ADAM23: variants seen among roughly 807,000 people sequenced by gnomAD.
ADAM23 encodes disintegrin and metalloproteinase domain-containing protein 23.
Under a neutral mutation model 120.1 loss-of-function variants are expected in ADAM23, and 33 were observed. The observed-to-expected ratio is 0.27, with a 90% confidence interval of 0.21 to 0.37. ADAM23 has a LOEUF of 0.37. Among genes scored for constraint, ADAM23 ranks in the 10% least tolerant of loss-of-function variants. The probability of loss-of-function intolerance (pLI) is 1.00; values close to 1 mark genes in which losing one functional copy is unlikely to be tolerated. For missense variants in ADAM23, 862 were observed against 1,058.2 expected (o/e 0.81, Z 2.57); for synonymous variants, 367 against 375.2 (o/e 0.98, Z 0.25).
At chr2:206,606,882 A>G (rs1698738865) in intron 24 of ADAM23, 1 of 152,208 alleles carries the variant, frequency 6.6e-6, no homozygotes, top group African/African-American at 2.4e-5. Context: ...TGGCCCAGGA[A>G]TGAATTACTA....
intron 2 of ADAM23, 77 bp from the exon 3 acceptor site, chr2:206,481,155 A>G: frequency 8.7e-7 from 1 of 1,143,912 alleles, no homozygotes; most frequent in Middle Eastern, 2.0e-4. Flanking sequence ...TATTCGTCTT[A>G]AATATCATTC....
At position 206,477,897 on chromosome 2, in the gene ADAM23, A is replaced by AAATAT. The variant is rs374524658; in HGVS notation, c.433-3334_433-3333insATATA. Among the ~76,000 whole-genome samples, 376 of 93,560 alleles carry AAATAT rather than the reference A, an allele frequency of 4.0e-3. 7 individuals are homozygous for AAATAT. The highest frequency in any genetic ancestry group is 0.018 in the African/African-American group (352 of 19,384). 61.4% of individuals were successfully genotyped at this position (93,560 alleles called of 152,430 possible). On this transcript the variant is annotated intron_variant, in intron 2 of 25. Transcript: ENST00000264377. ...TATTCTGTTAAAAAAAAAAAAAAAAAATATATATATATATATATATATATA... is the reference window on the plus strand; with the variant it reads ...TATTCTGTTAAAAAAAAAAAAAAAAAAATATATATATATATATATATATATATATA...
intron 2 of ADAM23, among the ~76,000 whole-genome samples, chr2:206,455,863 G>C (rs1034645646): frequency 6.6e-6 from 1 of 152,116 alleles, no homozygotes; most frequent in Admixed American, 6.5e-5. Flanking sequence ...GGACTTTGCT[G>C]TCCATATCAC....
At chr2:206,473,423 G>A (rs1695702734) in intron 2 of ADAM23, among the ~76,000 whole-genome samples, 1 of 151,828 alleles carries the variant, frequency 6.6e-6, no homozygotes, top group African/African-American at 2.4e-5. Context: ...TGCTTATATT[G>A]TGTGTGGTAT....
At chr2:206,584,082 A>G (rs201694767) in intron 18 of ADAM23, among the ~76,000 whole-genome samples, 2 of 151,848 alleles carry the variant, frequency 1.3e-5, no homozygotes, top group Non-Finnish European at 2.9e-5. Context: ...CCCTTTTCCT[A>G]TGGGTATGGC....
chr2:206,500,192 A>T (rs985353922), intron 3 of ADAM23, among the ~76,000 whole-genome samples: 1 of 151,276 alleles, frequency 6.6e-6, no homozygotes, highest in African/African-American at 2.4e-5. Context: ...AGTGTAGATG[A>T]TCTCGTACTC....
Position 206,620,889 on chromosome 2 carries a change from C to A in ADAM23, c.*3262C>A, listed in dbSNP as rs1244312912. ...TTTTCAAAGACTAGTGTCTGAAGAA[C>A]TTTACAAACAATACTTGAACCCTTT... On this transcript the variant is annotated 3_prime_UTR_variant, in exon 26 of 26. Transcript: ENST00000264377. 1 of 152,202 alleles carries A rather than the reference C, an allele frequency of 6.6e-6. No individual in the cohort carries two copies. The highest frequency in any genetic ancestry group is 1.9e-4 in the East Asian group (1 of 5,198). 9.4% of individuals were successfully genotyped at this position (152,202 alleles called of 1,614,324 possible).
At chr2:206,544,432 G>T (rs1052905086) in intron 6 of ADAM23, among the ~76,000 whole-genome samples, 11 of 152,006 alleles carry the variant, frequency 7.2e-5, no homozygotes, top group African/African-American at 2.7e-4. Flanking sequence ...CTACAAGCTG[G>T]GTATTATTTT....
chr2:206,551,108 A>T lies in ADAM23; in HGVS notation c.933+948A>T, dbSNP rs1697516442. Among the ~76,000 whole-genome samples, 7 of 152,240 alleles carry T rather than the reference A, an allele frequency of 4.6e-5. No homozygotes were observed. In the South Asian group the frequency reaches 8.3e-4, roughly 18 times the overall value. ...TTATAAAATTACTTGCCTGAAGCCCAGAAGAGTCTTGGTCAGTAGGCTATA... is the reference window on the plus strand; with the variant it reads ...TTATAAAATTACTTGCCTGAAGCCCTGAAGAGTCTTGGTCAGTAGGCTATA... On this transcript the variant is annotated intron_variant, in intron 9 of 25. Coordinates refer to ENST00000264377, the MANE Select transcript of ADAM23 (RefSeq NM_003812.4).
At position 206,559,954 on chromosome 2, in the gene ADAM23, G is replaced by T; in HGVS notation, c.1006-1G>T. ...GCACCTGTCCTGTTGTATACCCTCA[G>T]ATTTACAAGGAGCAGCTCAACACCA... On this transcript the variant is annotated splice_acceptor_variant, in intron 10 of 25. Coordinates refer to ENST00000264377, the MANE Select transcript of ADAM23 (RefSeq NM_003812.4). LOFTEE classifies it high-confidence loss of function. 1 of 1,612,136 alleles carries T rather than the reference G, an allele frequency of 6.2e-7. No homozygotes were observed. The highest frequency in any genetic ancestry group is 8.5e-7 in the Non-Finnish European group (1 of 1,179,124).
At chr2:206,569,295 T>C (rs1291719010) in intron 15 of ADAM23, among the ~76,000 whole-genome samples, 2 of 152,168 alleles carry the variant, frequency 1.3e-5, no homozygotes, top group East Asian at 3.8e-4. Flanking sequence ...AACTTGGAAA[T>C]GAAATAAAAA....
chr2:206,559,008 G>A (rs182379098), intron 10 of ADAM23, among the ~76,000 whole-genome samples: 1 of 152,148 alleles, frequency 6.6e-6, no homozygotes, highest in Admixed American at 6.5e-5. Context: ...GCAGTGGCAC[G>A]ATCTCAGCTC....
chr2:206,444,998 AC>A (rs10557523), intron 1 of ADAM23, among the ~76,000 whole-genome samples: 38,040 of 145,802 alleles, frequency 0.26, 5,062 homozygotes, highest in Admixed American at 0.4. Flanking sequence ...AGTTCATTCT[AC>A]CCCCCCCCCA....
At chr2:206,610,125 CT>C in intron 25 of ADAM23, 125 bp downstream of exon 25, 2 of 786,012 alleles carry the variant, frequency 2.5e-6, no homozygotes, top group Non-Finnish European at 3.8e-6. Context: ...AAAAATAAGT[CT>C]TTTTATTCAG....
rs1698986234 is a variant in ADAM23, at chr2:206,618,816, T to C, written c.*1189T>C. Reference sequence around the variant, plus strand: ...ATTTTTTGATGTCATTATAAACCTATGTAAATAATGTAAGAAAGTAGACAC... The same window carrying C: ...ATTTTTTGATGTCATTATAAACCTACGTAAATAATGTAAGAAAGTAGACAC... On this transcript the variant is annotated 3_prime_UTR_variant, in exon 26 of 26. Transcript: ENST00000264377. 6.6e-6 allele frequency: 1 copy of C among 152,230 alleles called. No individual in the cohort carries two copies. The allele number at this position is 152,230 out of a possible 1,614,324, so 9.4% of individuals were successfully genotyped here.
At chr2:206,474,813 G>T (rs1695742540) in intron 2 of ADAM23, among the ~76,000 whole-genome samples, 1 of 152,144 alleles carries the variant, frequency 6.6e-6, no homozygotes, top group Non-Finnish European at 1.5e-5. Flanking sequence ...GGCTTCAAGC[G>T]ATCCTCCTGC....
At chr2:206,565,968 T>C (rs1014856802) in intron 14 of ADAM23, among the ~76,000 whole-genome samples, 9 of 152,146 alleles carry the variant, frequency 5.9e-5, no homozygotes, top group African/African-American at 2.2e-4. Flanking sequence ...CCTGCTACTT[T>C]AGAACGCATT....
chr2:206,559,784 AT>A (rs1191353703), intron 10 of ADAM23, among the ~76,000 whole-genome samples, 170 bp from the exon 11 acceptor site: 1 of 152,032 alleles, frequency 6.6e-6, no homozygotes, highest in African/African-American at 2.4e-5. Context: ...TTCTTTCTTT[AT>A]TTTTGCTCTT....
intron 18 of ADAM23, among the ~76,000 whole-genome samples, chr2:206,581,441 C>T (rs911260612): frequency 5.9e-5 from 9 of 152,150 alleles, no homozygotes; most frequent in African/African-American, 2.2e-4. Flanking sequence ...TCATTCAGTT[C>T]GAAGAATGTT....
Sources: gnomAD v4.1 joint callset for allele counts (sites outside exome capture counted in the v4.1 genomes callset) on GRCh38, gnomAD v4.1.1 for gene constraint, MANE v1.5 for transcripts, NCBI Gene and HGNC (gene_info 2026-07-23, HGNC 2026-07-21) for gene names.